Variants in SAMD12 observed in about 807,000 individuals in gnomAD.
SAMD12 encodes sterile alpha motif domain containing 12.
Under a neutral mutation model 15.0 loss-of-function variants are expected in SAMD12, and 9 were observed. The ratio of observed to expected loss-of-function variants is 0.60; its 90% CI spans 0.36 to 1.05. The LOEUF (loss-of-function observed/expected upper bound fraction) is 1.05. SAMD12 is among the 50% of genes least tolerant of loss of function. The probability of loss-of-function intolerance (pLI) is 0.01; values close to 1 mark genes in which losing one functional copy is unlikely to be tolerated. For synonymous variants in SAMD12, 86 were observed against 90.1 expected (o/e 0.96, Z 0.25); for missense variants, 230 against 234.2 (o/e 0.98, Z 0.12).
At chr8:118,214,976 A>G (rs1308808246) in intron 4 of SAMD12, among the ~76,000 whole-genome samples, 1 of 152,262 alleles carries the variant, frequency 6.6e-6, no homozygotes, top group Non-Finnish European at 1.5e-5. Flanking sequence ...CTGCTACTGC[A>G]GTTGTTACAC....
chr8:118,621,879 G>A lies in SAMD12; in HGVS notation c.-63C>T. ...GGCCGAGGTACTCCTCCTGCCCCGC[G>A]CTCCCCCCTTCCTCTCGCTTTCGCC... is the stretch of plus-strand genomic sequence containing the variant. On this transcript the variant is annotated 5_prime_UTR_variant, in exon 1 of 4. Transcript: ENST00000314727. The A allele has an allele frequency of 7.7e-6, 12 of 1,559,280 alleles. No individual in the cohort carries two copies. Among genetic ancestry groups the A allele is most frequent in the Non-Finnish European group, 1.1e-5 (12 of 1,130,088 alleles).
At chr8:118,159,587 G>A in the SAMD12 span, among the ~76,000 whole-genome samples, 2 of 152,090 alleles carry the variant, frequency 1.3e-5, no homozygotes, top group Admixed American at 1.3e-4. Flanking sequence ...AACCCTCCAA[G>A]GATCCTGTGA....
intron 2 of SAMD12, among the ~76,000 whole-genome samples, chr8:118,554,282 C>T (rs1432684253): frequency 4.6e-5 from 7 of 152,012 alleles, no homozygotes; most frequent in African/African-American, 1.7e-4. Flanking sequence ...TGGAACCAAC[C>T]CAAATGTCCA....
intron 2 of SAMD12, 41 bp downstream of exon 2, chr8:118,580,674 G>T (rs781606274): frequency 4.8e-6 from 7 of 1,469,388 alleles, no homozygotes; most frequent in Non-Finnish European, 4.7e-6. Context: ...TATAAAGGCT[G>T]CAGCTTTCAA....
chr8:118,405,754 T>G (rs1821098812), intron 3 of SAMD12, among the ~76,000 whole-genome samples: 1 of 152,220 alleles, frequency 6.6e-6, no homozygotes, highest in South Asian at 2.1e-4. Context: ...GTCCTAGAAT[T>G]TGAAAGTGTG....
chr8:118,598,192 C>A (rs907415173), intron 1 of SAMD12, among the ~76,000 whole-genome samples: 4 of 152,190 alleles, frequency 2.6e-5, no homozygotes, highest in African/African-American at 9.7e-5. Context: ...AAAGAAGCCA[C>A]ATTTGTTATG....
At chr8:118,320,667 T>TGGG (rs1563760880) in intron 4 of SAMD12, among the ~76,000 whole-genome samples, 2 of 3,628 alleles carry the variant, frequency 5.5e-4, no homozygotes, top group African/African-American at 2.9e-3. Flanking sequence ...GGGCCTGTCG[T>TGGG]GGGGTGGGGG....
At chr8:118,305,344 A>G (rs992140800) in intron 4 of SAMD12, among the ~76,000 whole-genome samples, 8 of 151,936 alleles carry the variant, frequency 5.3e-5, no homozygotes, top group Non-Finnish European at 8.8e-5. Flanking sequence ...TTCCATTTCC[A>G]TCAATTTGCC....
intron 2 of SAMD12, among the ~76,000 whole-genome samples, chr8:118,476,126 T>G (rs1419664954): frequency 4.6e-5 from 7 of 152,306 alleles, no homozygotes; most frequent in Middle Eastern, 6.8e-3. Context: ...GAATTGTGAC[T>G]TATCACCAGA....
chr8:118,174,780 C>T, the SAMD12 span, among the ~76,000 whole-genome samples: 1 of 152,068 alleles, frequency 6.6e-6, no homozygotes, highest in Non-Finnish European at 1.5e-5. Flanking sequence ...TGCATTTTCT[C>T]ATCACCCAAA....
chr8:118,377,839 A>C (rs1819465192), downstream of SAMD12: 1 of 152,176 alleles, frequency 6.6e-6, no homozygotes, highest in African/African-American at 2.4e-5. Flanking sequence ...TGAGCTGCAA[A>C]AACCAGACAC....
chr8:118,291,087 C>T (rs1814338565), intron 4 of SAMD12: 1 of 152,192 alleles, frequency 6.6e-6, no homozygotes, highest in African/African-American at 2.4e-5. Flanking sequence ...TGCCCAGTTC[C>T]TAGTACAATG....
chr8:118,468,345 G>A (rs769684548), intron 2 of SAMD12, among the ~76,000 whole-genome samples: 1 of 151,940 alleles, frequency 6.6e-6, no homozygotes, highest in Non-Finnish European at 1.5e-5. Flanking sequence ...GTTTTCTTAC[G>A]TTCACAAAAA....
At chr8:118,318,391 A>G (rs1053037714) in intron 4 of SAMD12, among the ~76,000 whole-genome samples, 9 of 147,156 alleles carry the variant, frequency 6.1e-5, no homozygotes, top group African/African-American at 2.2e-4. Context: ...GGGCATAGAA[A>G]AGGAATGAAA....
At chr8:118,207,911 G>C (rs1364240375) in intron 4 of SAMD12, among the ~76,000 whole-genome samples, 1 of 121,838 alleles carries the variant, frequency 8.2e-6, no homozygotes, top group African/African-American at 3.4e-5. Context: ...GAGAATACAA[G>C]GTCTACGTAA....
chr8:118,499,406 A>C (rs986876808), intron 2 of SAMD12, among the ~76,000 whole-genome samples: 2 of 152,220 alleles, frequency 1.3e-5, no homozygotes, highest in African/African-American at 4.8e-5. Context: ...GAAGTGAAAA[A>C]ATTGTGGCAA....
intron 4 of SAMD12, among the ~76,000 whole-genome samples, chr8:118,368,544 G>T (rs906463119): frequency 3.9e-5 from 6 of 152,072 alleles, no homozygotes; most frequent in African/African-American, 1.2e-4. Flanking sequence ...TGGGTCAATA[G>T]AAAAAGATCA....
chr8:118,545,497 C>T (rs1826099062), intron 2 of SAMD12, among the ~76,000 whole-genome samples: 1 of 151,968 alleles, frequency 6.6e-6, no homozygotes, highest in African/African-American at 2.4e-5. Flanking sequence ...AAACAAGAAT[C>T]CCAGGCAATT....
chr8:118,393,903 C>A (rs1820419891), intron 3 of SAMD12, among the ~76,000 whole-genome samples: 5 of 152,076 alleles, frequency 3.3e-5, no homozygotes, highest in Admixed American at 3.3e-4. Context: ...AGCCTGGCCC[C>A]ATGCATTTGA....
Sources: gnomAD v4.1 joint callset for allele counts (sites outside exome capture counted in the v4.1 genomes callset) on GRCh38, gnomAD v4.1.1 for gene constraint, MANE v1.5 for transcripts, NCBI Gene and HGNC (gene_info 2026-07-23, HGNC 2026-07-21) for gene names.